The following ADA variants were observed in gnomAD, a reference collection of about 807,000 sequenced individuals.
ADA encodes the protein adenosine aminohydrolase.
A neutral mutation model predicts 49.0 loss-of-function variants in ADA; 45 were observed. That is an observed-to-expected ratio of 0.92 (90% CI 0.72 to 1.18). ADA has a LOEUF of 1.18. Among genes scored for constraint, ADA ranks in the 50% most tolerant of loss-of-function variants. The pLI, the probability that ADA is intolerant of heterozygous loss-of-function variation, is 0.00. For missense variants in ADA, 445 were observed against 472.5 expected (o/e 0.94, Z 0.54); for synonymous variants, 173 against 184.2 (o/e 0.94, Z 0.49).
At chr20:44,641,634 T>G (rs1168679265) in intron 1 of ADA, among the ~76,000 whole-genome samples, 1 of 151,986 alleles carries the variant, frequency 6.6e-6, no homozygotes, top group East Asian at 1.9e-4. Context: ...GGCCTGGCCT[T>G]GGAGCCCCTG....
At chr20:44,650,868 G>A (rs1380579039) in intron 1 of ADA, among the ~76,000 whole-genome samples, 1 of 152,142 alleles carries the variant, frequency 6.6e-6, no homozygotes, top group African/African-American at 2.4e-5. Flanking sequence ...CTCTGCGACA[G>A]GCCAAGGGGG....
In ADA at chr20:44,625,630, C is replaced by G; in HGVS notation, c.417G>C (p.Glu139Asp). 6.3e-7 allele frequency: 1 copy of G among 1,583,056 alleles called. No individual in the cohort carries two copies. Among genetic ancestry groups the G allele is most frequent in the South Asian group, 1.2e-5 (1 of 86,662 alleles). The part of the protein sequence containing the change: ...VVALVGQGLQ[E>D]GERDFGVKAR... The stretch of plus-strand genomic sequence containing the variant: ...CCTTGACCCCGAAGTCTCGCTCCCC[C>G]TCCTGCAGGCCCTGGCCCACTAGGG... Residue 139 changes from glutamate (E) to aspartate (D), a missense_variant, in exon 5 of 12, where the codon GAG becomes GAC. Physicochemically the swap from Glu to Asp is conservative, Grantham distance 45 (BLOSUM62 2). Transcript: ENST00000372874.
At chr20:44,636,493 C>A (rs1568851522) in intron 1 of ADA, among the ~76,000 whole-genome samples, 1 of 152,178 alleles carries the variant, frequency 6.6e-6, no homozygotes, top group African/African-American at 2.4e-5. Flanking sequence ...GATGTGGGTT[C>A]AGCTGTTATC....
At position 44,626,369 on chromosome 20, in the gene ADA, G is replaced by A. The variant is rs2065382133; in HGVS notation, c.362+87C>T. On this transcript the variant is annotated intron_variant, in intron 4 of 11. Transcript: ENST00000372874. The stretch of plus-strand genomic sequence containing the variant: ...AAGAACAAGGTCTTGCTTGGGTCAG[G>A]GATTCCCAGCAGTTCGCCCTTCCAG... The A allele has an allele frequency of 4.4e-6, 7 of 1,590,182 alleles. No individual in the cohort carries two copies. The South Asian group carries it at 6.7e-5, about 15-fold the overall frequency.
chr20:44,636,732 A>T (rs1304872968), intron 1 of ADA, among the ~76,000 whole-genome samples: 1 of 152,212 alleles, frequency 6.6e-6, no homozygotes, highest in African/African-American at 2.4e-5. Context: ...AACTACTTTA[A>T]CAAAAGGGAT....
intron 1 of ADA, among the ~76,000 whole-genome samples, chr20:44,639,649 G>C (rs1024231320): frequency 2.0e-5 from 3 of 152,134 alleles, no homozygotes; most frequent in South Asian, 4.1e-4. Flanking sequence ...CTGACCTCAA[G>C]TGATCTGCCC....
In ADA at chr20:44,625,666, G is replaced by T. The variant is rs7344760; in HGVS notation, c.381C>A (p.Asp127Glu). The change falls in exon 5 of 12, where the codon GAC (aspartate) becomes GAA (glutamate). Residue 127 changes from aspartate to glutamate, a missense_variant. Physicochemically the swap from Asp to Glu is conservative, Grantham distance 45. Transcript: ENST00000372874. ...CCTGGCCCACTAGGGCCACCACCTC[G>T]TCTGGGGTGAGGTCCCCTCTGTGTG... Reference protein sequence around the residue: ...WNQAEGDLTPDEVVALVGQGL... With the variant: ...WNQAEGDLTPEEVVALVGQGL... 1.9e-6 allele frequency: 3 copies of T among 1,565,684 alleles called. No individual in the cohort carries two copies. The highest frequency in any genetic ancestry group is 1.4e-5 in the African/African-American group (1 of 73,870).
At chr20:44,646,752 A>G (rs1238159564) in intron 1 of ADA, among the ~76,000 whole-genome samples, 1 of 151,952 alleles carries the variant, frequency 6.6e-6, no homozygotes, top group African/African-American at 2.4e-5. Flanking sequence ...GGGCTAATGC[A>G]CTGGCCCACC....
intron 9 of ADA, 29 bp downstream of exon 9, chr20:44,622,559 T>C (rs773349681): frequency 1.1e-5 from 17 of 1,614,044 alleles, no homozygotes; most frequent in East Asian, 2.2e-5. Flanking sequence ...TGGAACAAAA[T>C]TGAACAGGCC....
rs950290601 is a variant in ADA, at chr20:44,636,506, G to A, written c.34-218C>T. On this transcript the variant is annotated intron_variant, in intron 1 of 11. Coordinates refer to ENST00000372874, the MANE Select transcript of ADA (RefSeq NM_000022.4). ...GGGATGTGGGTTCAGCTGTTATCTC[G>A]ATCTCTTTCACAATTGAGGACACTG... Among the ~76,000 whole-genome samples, 21 of 152,194 alleles carry A rather than the reference G, an allele frequency of 1.4e-4. No homozygotes were observed. In the South Asian group the frequency reaches 2.3e-3, roughly 17 times the overall value.
chr20:44,621,498 C>A (rs914604291), intron 9 of ADA, among the ~76,000 whole-genome samples: 8 of 152,128 alleles, frequency 5.3e-5, no homozygotes, highest in African/African-American at 1.9e-4. Context: ...CCCCTCTGCA[C>A]CCTACCCTGC....
chr20:44,620,130 C>T (rs1449407495), intron 11 of ADA, among the ~76,000 whole-genome samples, 169 bp downstream of exon 11: 3 of 152,172 alleles, frequency 2.0e-5, no homozygotes, highest in Non-Finnish European at 2.9e-5. Context: ...TTATAGAAAA[C>T]AAACCGATCT....
At chr20:44,651,344 G>T (rs896571330) in intron 1 of ADA, among the ~76,000 whole-genome samples, 4 of 152,238 alleles carry the variant, frequency 2.6e-5, no homozygotes, top group Non-Finnish European at 5.9e-5. Context: ...ACCCAGAGGG[G>T]TCAAGTCAGG....
chr20:44,642,272 G>T (rs2065543268), intron 1 of ADA, among the ~76,000 whole-genome samples: 1 of 152,106 alleles, frequency 6.6e-6, no homozygotes, highest in African/African-American at 2.4e-5. Flanking sequence ...CAGACCTGGG[G>T]GCTGTTTGTT....
At position 44,651,668 on chromosome 20, in the gene ADA, T is replaced by C; in HGVS notation, c.-61A>G. 2.1e-6 allele frequency: 3 copies of C among 1,455,516 alleles called. No homozygotes were observed. Among genetic ancestry groups the C allele is most frequent in the Non-Finnish European group, 2.7e-6 (3 of 1,109,298 alleles). 90.2% of individuals were successfully genotyped at this position (1,455,516 alleles called of 1,614,324 possible). On this transcript the variant is annotated 5_prime_UTR_variant, in exon 1 of 12. Transcript: ENST00000372874. Reference sequence around the variant, plus strand: ...CGCCGCTCGGTGGGTCTCTGCCGGCTCGGTGGCCGCTCGGCTTTCCCTGGG... The same window carrying C: ...CGCCGCTCGGTGGGTCTCTGCCGGCCCGGTGGCCGCTCGGCTTTCCCTGGG...
intron 8 of ADA, 87 bp downstream of exon 8, chr20:44,622,742 T>C: frequency 6.2e-7 from 1 of 1,613,894 alleles, no homozygotes; most frequent in Non-Finnish European, 8.5e-7. Context: ...CCCCTCGAGT[T>C]CCTGGGACCC....
At chr20:44,625,340 G>T (rs936855757) in intron 5 of ADA, among the ~76,000 whole-genome samples, 1 of 152,086 alleles carries the variant, frequency 6.6e-6, no homozygotes, top group Non-Finnish European at 1.5e-5. Flanking sequence ...CTTCCTGCAG[G>T]GTGGCTATAA....
chr20:44,635,967 G>C (rs905891364), intron 2 of ADA: 1 of 532,386 alleles, frequency 1.9e-6, no homozygotes, highest in Admixed American at 3.1e-5. Flanking sequence ...TGGGTGGGGA[G>C]AGCAGGCTCA....
chr20:44,622,406 A>G (rs1043297177), intron 9 of ADA, among the ~76,000 whole-genome samples, 182 bp downstream of exon 9: 14 of 152,228 alleles, frequency 9.2e-5, no homozygotes, highest in Non-Finnish European at 1.9e-4. Context: ...GTCAAGCCAC[A>G]GCACATCTGG....
Sources: gnomAD v4.1 joint callset for allele counts (sites outside exome capture counted in the v4.1 genomes callset) on GRCh38, gnomAD v4.1.1 for gene constraint, MANE v1.5 for transcripts, NCBI Gene and HGNC (gene_info 2026-07-23, HGNC 2026-07-21) for gene names.